The following REEP1 variants were observed in gnomAD, a reference collection of about 807,000 sequenced individuals.
The protein encoded by REEP1 is receptor accessory protein 1.
REEP1 carries 22 observed loss-of-function variants against 40.3 expected under a neutral mutation model. The ratio of observed to expected loss-of-function variants is 0.55; its 90% confidence interval spans 0.39 to 0.78. The LOEUF is 0.78. REEP1 is among the 30% of genes least tolerant of loss of function. REEP1 has a pLI of 0.00. For missense variants in REEP1, 280 were observed against 361.1 expected (o/e 0.78, Z 1.82); for synonymous variants, 116 against 139.2 (o/e 0.83, Z 1.17).
intron 1 of REEP1, among the ~76,000 whole-genome samples, chr2:86,316,873 T>C (rs1002106014): frequency 6.6e-6 from 1 of 151,914 alleles, no homozygotes; most frequent in Non-Finnish European, 1.5e-5. Context: ...AAAATAATAA[T>C]AATAATCAAA....
intron 1 of REEP1, among the ~76,000 whole-genome samples, chr2:86,296,496 T>C (rs1396525426): frequency 6.6e-6 from 1 of 152,246 alleles, no homozygotes; most frequent in East Asian, 1.9e-4. Flanking sequence ...CATGTATTTG[T>C]ATTACCACAA....
In REEP1 at chr2:86,215,807, T is replaced by G. The variant is rs2103936504; in HGVS notation, c.*1232A>C. On this transcript the variant is annotated 3_prime_UTR_variant, in exon 9 of 9. Transcript: ENST00000538924. ...GTCTGATAAGGCCTGTAGTGCCCAT[T>G]GAGTATGAGTCTGCTGTTTACATTC... is the stretch of plus-strand genomic sequence containing the variant. The G allele has an allele frequency of 6.6e-6, 1 of 152,430 alleles. No individual in the cohort carries two copies. Among genetic ancestry groups the G allele is most frequent in the South Asian group, 2.1e-4 (1 of 4,822 alleles). 9.4% of individuals were successfully genotyped at this position (152,430 alleles called of 1,614,324 possible).
At chr2:86,253,230 G>A (rs370383060) in intron 4 of REEP1, among the ~76,000 whole-genome samples, 5 of 152,282 alleles carry the variant, frequency 3.3e-5, no homozygotes, top group South Asian at 4.1e-4. Context: ...GCAGTGAGCC[G>A]AGATCGTGCC....
chr2:86,254,082 C>A (rs1294291293), intron 4 of REEP1, among the ~76,000 whole-genome samples: 1 of 152,142 alleles, frequency 6.6e-6, no homozygotes, highest in Non-Finnish European at 1.5e-5. Context: ...ATGGGTATTA[C>A]GAAGACCAAG....
chr2:86,233,386 A>G (rs1298200601), intron 5 of REEP1, among the ~76,000 whole-genome samples: 1 of 152,220 alleles, frequency 6.6e-6, no homozygotes, highest in Non-Finnish European at 1.5e-5. Flanking sequence ...GGTGCATTTC[A>G]GCTTCATAAA....
intron 6 of REEP1, among the ~76,000 whole-genome samples, chr2:86,230,187 G>A (rs1223033715): frequency 6.6e-6 from 1 of 152,242 alleles, no homozygotes; most frequent in Non-Finnish European, 1.5e-5. Context: ...GGCAGAGCCA[G>A]TGCCAAAGCA....
chr2:86,328,956 T>C (rs141408158), intron 1 of REEP1, among the ~76,000 whole-genome samples: 4,593 of 152,284 alleles, frequency 0.03, 120 homozygotes, highest in East Asian at 0.07. Context: ...CAGTCTTTTA[T>C]ACCCTGCCCT....
At chr2:86,324,139 C>CA (rs1680396980) in intron 1 of REEP1, among the ~76,000 whole-genome samples, 4 of 148,504 alleles carry the variant, frequency 2.7e-5, no homozygotes, top group African/African-American at 1.0e-4. Context: ...AAACTATAAA[C>CA]GAAAAAAAAA....
intron 1 of REEP1, among the ~76,000 whole-genome samples, chr2:86,324,932 G>T (rs1198134069): frequency 1.3e-5 from 2 of 152,214 alleles, no homozygotes; most frequent in Non-Finnish European, 2.9e-5. Flanking sequence ...ATACAATAAA[G>T]GTAGTGTTCT....
At chr2:86,316,815 T>C (rs758062868) in intron 1 of REEP1, among the ~76,000 whole-genome samples, 7 of 152,138 alleles carry the variant, frequency 4.6e-5, no homozygotes, top group Non-Finnish European at 7.3e-5. Flanking sequence ...GCCGAGATCG[T>C]GCCATCGCAC....
chr2:86,332,561 C>T (rs190788788), intron 1 of REEP1, among the ~76,000 whole-genome samples: 108 of 152,180 alleles, frequency 7.1e-4, no homozygotes, highest in Non-Finnish European at 1.2e-3. Context: ...CCTCATTCTC[C>T]CCAGGGCTCC....
intron 1 of REEP1, among the ~76,000 whole-genome samples, chr2:86,300,517 AT>A (rs1287629910): frequency 2.0e-5 from 3 of 152,344 alleles, no homozygotes; most frequent in African/African-American, 7.2e-5. Context: ...CCATATACAC[AT>A]GAAAAGTAGA....
At chr2:86,310,245 G>A (rs974939901) in intron 1 of REEP1, among the ~76,000 whole-genome samples, 11 of 152,164 alleles carry the variant, frequency 7.2e-5, no homozygotes, top group Non-Finnish European at 8.8e-5. Context: ...CTTGCTCAGA[G>A]CATAATGATG....
chr2:86,238,021 A>C (rs1245759522), intron 5 of REEP1, among the ~76,000 whole-genome samples: 1 of 152,086 alleles, frequency 6.6e-6, no homozygotes, highest in Non-Finnish European at 1.5e-5. Flanking sequence ...ATCTCTACTA[A>C]AAATACAAAA....
In REEP1 at chr2:86,215,613, A is replaced by G. The variant is rs1674067580; in HGVS notation, c.*1426T>C. The G allele has an allele frequency of 6.6e-6, 1 of 152,506 alleles. No individual in the cohort carries two copies. Among genetic ancestry groups the G allele is most frequent in the Non-Finnish European group, 1.5e-5 (1 of 68,028 alleles). The allele number at this position is 152,506 out of a possible 1,614,324, so 9.4% of individuals were successfully genotyped here. A position where few individuals can be genotyped will look rare whatever the true frequency, so the allele number is the denominator to read the frequency against. On this transcript the variant is annotated 3_prime_UTR_variant, in exon 9 of 9. Coordinates refer to ENST00000538924, the MANE Select transcript of REEP1 (RefSeq NM_001371279.1). ...GAAAGAAACACCAACTCGAAGCACA[A>G]ATATATTATTCTTATATTTCGGCTC...
At chr2:86,319,823 A>C (rs1251748676) in intron 1 of REEP1, among the ~76,000 whole-genome samples, 2 of 152,256 alleles carry the variant, frequency 1.3e-5, no homozygotes, top group Non-Finnish European at 2.9e-5. Context: ...CTTATAAAAG[A>C]GGAAAAAAGA....
intron 7 of REEP1, among the ~76,000 whole-genome samples, chr2:86,226,047 C>G (rs1027280350): frequency 6.7e-6 from 1 of 149,232 alleles, no homozygotes; most frequent in African/African-American, 2.5e-5. Context: ...CTCCACTCTC[C>G]CTGGGGTCTC....
rs762291002 is a variant in REEP1, at chr2:86,232,805, G to A, written c.418-3C>T. On this transcript the variant is annotated splice_polypyrimidine_tract_variant and splice_region_variant and intron_variant, in intron 5 of 8. Coordinates refer to ENST00000538924, the MANE Select transcript of REEP1 (RefSeq NM_001371279.1). ...CTCTCCGATAAGGCACCCTGTCCCT[G>A]GATACAACACAGGAGGGGCACACGT... 3.1e-6 allele frequency: 5 copies of A among 1,599,962 alleles called. No homozygotes were observed. Among genetic ancestry groups the A allele is most frequent in the Non-Finnish European group, 4.2e-6 (5 of 1,179,822 alleles).
At chr2:86,280,159 G>T in intron 2 of REEP1, 8 of 413,264 alleles carry the variant, frequency 1.9e-5, no homozygotes, top group South Asian at 1.4e-4. Flanking sequence ...AAGGACTGCA[G>T]GAAGGAAACA....
Sources: allele counts gnomAD v4.1 joint callset (sites outside exome capture counted in the v4.1 genomes callset), GRCh38; gene constraint gnomAD v4.1.1; transcripts MANE v1.5; gene names NCBI Gene and HGNC (gene_info 2026-07-23, HGNC 2026-07-21).